ZBTB24: variants seen among roughly 807,000 people sequenced by gnomAD.
ZBTB24 encodes zinc finger and BTB domain containing 24, also known as zinc finger and BTB domain-containing protein 24.
In ZBTB24, 32 loss-of-function variants were observed where a neutral mutation model predicts 53.8. That is an observed-to-expected ratio of 0.60 (90% confidence interval 0.45 to 0.80). The LOEUF (loss-of-function observed/expected upper bound fraction) is 0.80, where lower values mean the gene tolerates loss of function less well. Among genes scored for constraint, ZBTB24 ranks in the 30% least tolerant of loss-of-function variants. ZBTB24 has a pLI of 0.00. For synonymous variants in ZBTB24, 297 were observed against 306.7 expected, an observed-to-expected ratio of 0.97 and a Z score of 0.33; for missense variants, 722 against 837.1, an observed-to-expected ratio of 0.86 and a Z score of 1.70.
At chr6:109,480,303 G>A (rs2115365392) in intron 2 of ZBTB24, among the ~76,000 whole-genome samples, 1 of 152,336 alleles carries the variant, frequency 6.6e-6, no homozygotes, top group East Asian at 1.9e-4. Context: ...GCACCTGAAA[G>A]GGCTCAAAGG....
Position 109,481,523 on chromosome 6 carries a change from G to C in ZBTB24, c.504C>G (p.Val168=). Residue 168 remains valine, a synonymous_variant, in exon 2 of 7, where the codon GTC becomes GTG. Coordinates refer to ENST00000230122, the MANE Select transcript of ZBTB24 (RefSeq NM_014797.3). Reference sequence around the variant, plus strand: ...CTGATTTCTCCTCCTGCAATGTATTGACTTTTTTTGGTCTTCCCCGTTTCC... The same window carrying C: ...CTGATTTCTCCTCCTGCAATGTATTCACTTTTTTTGGTCTTCCCCGTTTCC... ...PKRKRGRPKK[V]NTLQEEKSEL... 1 of 1,614,096 alleles carries C rather than the reference G, an allele frequency of 6.2e-7. No homozygotes were observed. Among genetic ancestry groups the C allele is most frequent in the Non-Finnish European group, 8.5e-7 (1 of 1,180,018 alleles).
chr6:109,464,978 T>G lies in ZBTB24; in HGVS notation c.*873A>C, dbSNP rs2115351980. 6.6e-6 allele frequency: 1 copy of G among 152,340 alleles called. No individual in the cohort carries two copies. The highest frequency in any genetic ancestry group is 6.5e-5 in the Admixed American group (1 of 15,302). The allele number at this position is 152,340 out of a possible 1,614,324, so 9.4% of individuals were successfully genotyped here. ...AGTATATATAAGACTTAAATTACAC[T>G]GAATAAAGTTTTATGTTCCAGAATA... On this transcript the variant is annotated 3_prime_UTR_variant, in exon 7 of 7. Transcript: ENST00000230122.
rs751534136 is a variant in ZBTB24, at chr6:109,465,956, A to G, written c.1989T>C (p.Ser663=). 1 of 1,614,190 alleles carries G rather than the reference A, an allele frequency of 6.2e-7. No homozygotes were observed. The highest frequency in any genetic ancestry group is 8.5e-7 in the Non-Finnish European group (1 of 1,180,038). The change falls in exon 7 of 7, where the codon AGT becomes AGC. Residue 663 remains serine (S), a synonymous_variant. Coordinates refer to ENST00000230122, the MANE Select transcript of ZBTB24 (RefSeq NM_014797.3). The part of the protein sequence containing the change: ...EQTEELHLAT[S]TSDPAQHLQL... The stretch of plus-strand genomic sequence containing the variant: ...GCAGGTGCTGAGCTGGATCTGAAGT[A>G]CTTGTAGCTAAATGGAGCTCCTCTG...
chr6:109,480,820 G>T, intron 2 of ZBTB24: 3 of 532,440 alleles, frequency 5.6e-6, no homozygotes, highest in Non-Finnish European at 7.2e-6. Flanking sequence ...CCTAGAACTT[G>T]GTTGCTTCAT....
chr6:109,464,371 G>A lies in ZBTB24; in HGVS notation c.*1480C>T, dbSNP rs1398469422. On this transcript the variant is annotated 3_prime_UTR_variant, in exon 7 of 7. Coordinates refer to ENST00000230122, the MANE Select transcript of ZBTB24 (RefSeq NM_014797.3). Reference sequence around the variant, plus strand: ...TTATTTGATTTAGGGAGAAATCAAGGATGTCTAAAACAAAACAATTGATGG... The same window carrying A: ...TTATTTGATTTAGGGAGAAATCAAGAATGTCTAAAACAAAACAATTGATGG... 2.6e-5 allele frequency: 4 copies of A among 152,074 alleles called. No homozygotes were observed. Among genetic ancestry groups the A allele is most frequent in the Non-Finnish European group, 5.9e-5 (4 of 68,020 alleles). The allele number at this position is 152,074 out of a possible 1,614,324, so 9.4% of individuals were successfully genotyped here. A position where few individuals can be genotyped will look rare whatever the true frequency, so the allele number is the denominator to read the frequency against.
At chr6:109,476,997 T>A in intron 2 of ZBTB24, 67 bp from the exon 3 acceptor site, 7 of 1,570,218 alleles carry the variant, frequency 4.5e-6, no homozygotes, top group Non-Finnish European at 6.0e-6. Flanking sequence ...TCTCCCAAAT[T>A]AAAAAAACAA....
chr6:109,481,111 T>G lies in ZBTB24; in HGVS notation c.916A>C (p.Asn306His). Residue 306 changes from asparagine (N) to histidine (H), a missense_variant, in exon 2 of 7, where the codon AAT becomes CAT. Transcript: ENST00000230122. ...CTCTGGTGGATTGCTAAAAAGTGAT[T>G]GTACTTAAAGACCTTGCCACAGTCT... ...CKDCGKVFKY[N>H]HFLAIHQRSH... The G allele has an allele frequency of 6.2e-7, 1 of 1,614,216 alleles. No homozygotes were observed. Among genetic ancestry groups the G allele is most frequent in the Non-Finnish European group, 8.5e-7 (1 of 1,180,034 alleles).
At chr6:109,470,569 T>C (rs992977164) in intron 5 of ZBTB24, among the ~76,000 whole-genome samples, 4 of 152,218 alleles carry the variant, frequency 2.6e-5, no homozygotes, top group Admixed American at 6.5e-5. Context: ...ACCCAGCCCC[T>C]GTCCAGCCAG....
Position 109,481,861 on chromosome 6 carries a change from C to A in ZBTB24, c.166G>T (p.Ala56Ser). 1 of 1,614,204 alleles carries A rather than the reference C, an allele frequency of 6.2e-7. No homozygotes were observed. The highest frequency in any genetic ancestry group is 8.5e-7 in the Non-Finnish European group (1 of 1,180,032). ...VHFRAHKALL[A>S]ASSEYFSMMF... ...ATTGAGAAGTATTCACTACTGGCAG[C>A]AAGTAAGGCTTTGTGGGCCCGGAAA... The change falls in exon 2 of 7, where the codon GCT becomes TCT. Residue 56 changes from alanine to serine, a missense_variant. By Grantham distance (99) the Ala-to-Ser change is moderately conservative (BLOSUM62 1). Transcript: ENST00000230122.
At chr6:109,466,595 T>G in intron 6 of ZBTB24, 21 bp from the exon 7 acceptor site, 1 of 1,603,904 alleles carries the variant, frequency 6.2e-7, no homozygotes, top group African/African-American at 1.3e-5. Context: ...ATAAACATTT[T>G]ATTTTTAAAA....
Position 109,466,079 on chromosome 6 carries a change from C to G in ZBTB24, c.1866G>C (p.Met622Ile). ...GTGAGGGCCCCATCTGGCTTTCAAT[C>G]ATATTGAGGCTCTGAATGTGTTCTG... ...EQTEHIQSLN[M>I]IESQMGPSQT... The change falls in exon 7 of 7, where the codon ATG (methionine) becomes ATC (isoleucine). Residue 622 changes from methionine to isoleucine, a missense_variant. Met to Ile is a conservative substitution (Grantham distance 10, BLOSUM62 1). Coordinates refer to ENST00000230122, the MANE Select transcript of ZBTB24 (RefSeq NM_014797.3). 1 of 1,614,204 alleles carries G rather than the reference C, an allele frequency of 6.2e-7. No individual in the cohort carries two copies. The highest frequency in any genetic ancestry group is 1.1e-5 in the South Asian group (1 of 91,084).
rs140822007 is a variant in ZBTB24 at position 109,480,508 on chromosome 6, C to T, written c.952+567G>A. Among the ~76,000 whole-genome samples the T allele has an allele frequency of 4.6e-5, 7 of 152,284 alleles. No individual in the cohort carries two copies. The East Asian group carries it at 1.3e-3, about 29-fold the overall frequency. On this transcript the variant is annotated intron_variant, in intron 2 of 6. Transcript: ENST00000230122. Reference sequence around the variant, plus strand: ...GACATCAGAGATGTAGGAACATTTCCATCATCACAGAAGGGTCCCATTGGT... The same window carrying T: ...GACATCAGAGATGTAGGAACATTTCTATCATCACAGAAGGGTCCCATTGGT...
At chr6:109,479,821 CAGG>C (rs1776360330) in intron 2 of ZBTB24, among the ~76,000 whole-genome samples, 1 of 139,558 alleles carries the variant, frequency 7.2e-6, no homozygotes, top group Non-Finnish European at 1.5e-5. Context: ...GAGGCTGAGG[CAGG>C]AGAATCACTT....
chr6:109,467,861 C>T (rs1776083530), intron 5 of ZBTB24, 127 bp from the exon 6 acceptor site: 1 of 1,083,088 alleles, frequency 9.2e-7, no homozygotes, highest in African/African-American at 1.6e-5. Context: ...AGGCAATCCC[C>T]TCCGTAAGCG....
At position 109,482,057 on chromosome 6, in the gene ZBTB24, G is replaced by T. The variant is rs763369675; in HGVS notation, c.-28-3C>A. On this transcript the variant is annotated splice_region_variant and splice_polypyrimidine_tract_variant and intron_variant, in intron 1 of 6. Transcript: ENST00000230122. The stretch of plus-strand genomic sequence containing the variant: ...TCAGAAGCCACTAAGGGTTAAATCT[G>T]AAATAAGAAAACAAGGTTTAAAAAG... The T allele has an allele frequency of 6.3e-7, 1 of 1,599,220 alleles. No individual in the cohort carries two copies. The highest frequency in any genetic ancestry group is 1.1e-5 in the South Asian group (1 of 90,634).
In ZBTB24 at chr6:109,467,739, AAAAAAC is replaced by A. The variant is rs765964812; in HGVS notation, c.1289-11_1289-6del. The A allele has an allele frequency of 8.3e-5, 134 of 1,613,460 alleles. 1 individual carries two copies. In the East Asian group the frequency reaches 1.6e-3, roughly 20 times the overall value. On this transcript the variant is annotated splice_polypyrimidine_tract_variant and splice_region_variant and intron_variant, in intron 5 of 6. Transcript: ENST00000230122. ...CACAAGTAAATGGCTTCTCACCTAA[AAAAAAC>A]AAAAACAAAAACAAAAAACCCAAAA...
rs1163166740 is a variant in ZBTB24, at chr6:109,483,165, G to C, written c.-96C>G. On this transcript the variant is annotated 5_prime_UTR_variant, in exon 1 of 7. Transcript: ENST00000230122. ...TCCGCTCCGCCCCGCCCGCCTCTGG[G>C]GCTTCTGCGCCGCACCGGTTTCTGC... 1 of 152,102 alleles carries C rather than the reference G, an allele frequency of 6.6e-6. No individual in the cohort carries two copies. Among genetic ancestry groups the C allele is most frequent in the Non-Finnish European group, 1.5e-5 (1 of 68,116 alleles). 9.4% of individuals were successfully genotyped at this position (152,102 alleles called of 1,614,324 possible).
In ZBTB24 at chr6:109,476,924, C is replaced by A. The variant is rs1386101613; in HGVS notation, c.959G>T (p.Arg320Leu). 1 of 1,613,720 alleles carries A rather than the reference C, an allele frequency of 6.2e-7. No homozygotes were observed. Among genetic ancestry groups the A allele is most frequent in the African/African-American group, 1.3e-5 (1 of 74,894 alleles). ...AIHQRSHTGE[R>L]PFKCNECGKG... ...TCCACACTCATTACATTTGAAAGGT[C>A]GCTCCCCTGGAAGAAGAGCCCCAGA... The change falls in exon 3 of 7, where the codon CGA becomes CTA. Residue 320 changes from arginine (R) to leucine (L), a missense_variant. By Grantham distance (102) the Arg-to-Leu change is moderately radical. Coordinates refer to ENST00000230122, the MANE Select transcript of ZBTB24 (RefSeq NM_014797.3).
At position 109,475,497 on chromosome 6, in the gene ZBTB24, A is replaced by T; in HGVS notation, c.1205-15T>A. Reference sequence around the variant, plus strand: ...TAATGAGTGGCCTTGTCGCAACAATAAAAAAAGTGTCAGTGCATACATGCT... The same window carrying T: ...TAATGAGTGGCCTTGTCGCAACAATTAAAAAAGTGTCAGTGCATACATGCT... On this transcript the variant is annotated splice_polypyrimidine_tract_variant and intron_variant, in intron 4 of 6. Transcript: ENST00000230122. The T allele has an allele frequency of 3.1e-6, 5 of 1,613,534 alleles. No individual in the cohort carries two copies. The highest frequency in any genetic ancestry group is 4.2e-6 in the Non-Finnish European group (5 of 1,179,514).
Sources: gnomAD v4.1 joint callset for allele counts (sites outside exome capture counted in the v4.1 genomes callset) on GRCh38, gnomAD v4.1.1 for gene constraint, MANE v1.5 for transcripts, NCBI Gene and HGNC (gene_info 2026-07-23, HGNC 2026-07-21) for gene names.